The following ARIH2 variants were observed in gnomAD, a reference collection of about 807,000 sequenced individuals.
ARIH2 encodes the protein ariadne RBR E3 ubiquitin protein ligase 2.
Under a neutral mutation model 79.8 loss-of-function variants are expected in ARIH2, and 12 were observed. That is an observed-to-expected ratio of 0.15 (90% CI 0.10 to 0.24). The LOEUF (loss-of-function observed/expected upper bound fraction) is 0.24. ARIH2 is among the 10% of genes least tolerant of loss of function. The pLI is 1.00. For synonymous variants in ARIH2, 224 were observed against 213.9 expected (o/e 1.05, Z -0.41); for missense variants, 301 against 618.3 (o/e 0.49, Z 5.44).
chr3:48,927,501 T>A lies in ARIH2; in HGVS notation c.-58T>A. On this transcript the variant is annotated 5_prime_UTR_variant, in exon 3 of 16. Transcript: ENST00000356401. ...AATGCATTTGAGAAAGCGGTAGTTT[T>A]GGGGGGAGGGGGAAAAAGCAACTGC... The A allele has an allele frequency of 6.3e-7, 1 of 1,580,168 alleles. No homozygotes were observed. The highest frequency in any genetic ancestry group is 8.6e-7 in the Non-Finnish European group (1 of 1,165,982).
intron 8 of ARIH2, 37 bp from the exon 9 acceptor site, chr3:48,973,662 A>C: frequency 6.6e-7 from 1 of 1,507,162 alleles, no homozygotes; most frequent in Middle Eastern, 1.7e-4. Flanking sequence ...ACCCTGACTT[A>C]ATGAATATTT....
chr3:48,934,861 A>C, intron 3 of ARIH2: 1 of 985,374 alleles, frequency 1.0e-6, no homozygotes, highest in South Asian at 4.7e-5. Context: ...TCTTCATCAG[A>C]TTCAAGGCCA....
chr3:48,931,875 G>C (rs2086414693), intron 3 of ARIH2, among the ~76,000 whole-genome samples: 1 of 152,096 alleles, frequency 6.6e-6, no homozygotes, highest in African/African-American at 2.4e-5. Flanking sequence ...CAGGCGTGGT[G>C]GTGGGCACCT....
chr3:48,967,380 T>G, intron 6 of ARIH2, 105 bp downstream of exon 6: 1 of 1,316,976 alleles, frequency 7.6e-7, no homozygotes, highest in East Asian at 2.4e-5. Flanking sequence ...TGAGCCTGAT[T>G]GGGGTTTTTA....
chr3:48,943,080 A>G (rs1275658210), intron 3 of ARIH2: 1 of 152,076 alleles, frequency 6.6e-6, no homozygotes, highest in Non-Finnish European at 1.5e-5. Context: ...CGCCTCGCCA[A>G]CCTCTTCTTT....
intron 3 of ARIH2, among the ~76,000 whole-genome samples, chr3:48,955,017 G>T (rs1576366270): frequency 6.6e-6 from 1 of 152,180 alleles, no homozygotes; most frequent in African/African-American, 2.4e-5. Flanking sequence ...GGCCAACATG[G>T]TGAAATCCCA....
chr3:48,967,858 TA>T lies in ARIH2; in HGVS notation c.538+584del, dbSNP rs2091903665. 2.0e-5 allele frequency among the ~76,000 whole-genome samples: 3 copies of T among 152,328 alleles called. 1 individual carries two copies. In the South Asian group the frequency reaches 6.2e-4, roughly 32 times the overall value. On this transcript the variant is annotated intron_variant, in intron 6 of 15. Transcript: ENST00000356401. ...CCGTTAGTGATACAATTTGGGATAA[TA>T]TTTTAGTTTCATTGCTGTGAAAATA...
At chr3:48,919,974 ATTTTT>A (rs768780567) in intron 1 of ARIH2, among the ~76,000 whole-genome samples, 4 of 135,488 alleles carry the variant, frequency 3.0e-5, no homozygotes, top group East Asian at 2.1e-4. Context: ...TCTGGAGGAA[ATTTTT>A]TTTTTTTTTT....
intron 11 of ARIH2, among the ~76,000 whole-genome samples, chr3:48,975,748 A>G (rs966535862): frequency 1.3e-5 from 2 of 151,590 alleles, no homozygotes; most frequent in Non-Finnish European, 2.9e-5. Context: ...TATTTTTAGT[A>G]GAGATGGGGG....
At chr3:48,964,136 TC>T (rs1360955341) in intron 4 of ARIH2, among the ~76,000 whole-genome samples, 1 of 151,950 alleles carries the variant, frequency 6.6e-6, no homozygotes. Flanking sequence ...GTTCAAGCGA[TC>T]CTCCTGCTTC....
intron 4 of ARIH2, among the ~76,000 whole-genome samples, chr3:48,962,651 CTT>C (rs761380160): frequency 3.5e-4 from 54 of 152,148 alleles, no homozygotes; most frequent in Non-Finnish European, 6.0e-4. Context: ...CTAGATAACT[CTT>C]TGTTGTGGGG....
At chr3:48,980,304 G>A in intron 12 of ARIH2, 49 bp from the exon 13 acceptor site, 1 of 1,599,268 alleles carries the variant, frequency 6.3e-7, no homozygotes, top group Non-Finnish European at 8.5e-7. Flanking sequence ...GTAGACCTCT[G>A]CACCTTCATG....
chr3:48,949,818 C>CT (rs148247018), intron 3 of ARIH2, among the ~76,000 whole-genome samples: 9 of 147,418 alleles, frequency 6.1e-5, no homozygotes, highest in African/African-American at 1.0e-4. Context: ...TTACCTGTAT[C>CT]TTTTTTTTTT....
At chr3:48,980,037 G>T in intron 12 of ARIH2, 1 of 251,712 alleles carries the variant, frequency 4.0e-6, no homozygotes, top group Non-Finnish European at 7.5e-6. Context: ...CTCCCAGGGA[G>T]CCCTTTAGAA....
At chr3:48,967,891 T>C (rs1435571795) in intron 6 of ARIH2, among the ~76,000 whole-genome samples, 1 of 152,228 alleles carries the variant, frequency 6.6e-6, no homozygotes, top group African/African-American at 2.4e-5. Context: ...AATATGCTAA[T>C]TTCTCTCTTC....
chr3:48,961,283 A>G (rs1009760764), intron 3 of ARIH2, among the ~76,000 whole-genome samples: 1 of 152,216 alleles, frequency 6.6e-6, no homozygotes, highest in Non-Finnish European at 1.5e-5. Context: ...CATATATGAC[A>G]TGAAGGAAAC....
intron 3 of ARIH2, among the ~76,000 whole-genome samples, chr3:48,938,691 A>G (rs1343896822): frequency 6.6e-6 from 1 of 152,154 alleles, no homozygotes; most frequent in Non-Finnish European, 1.5e-5. Flanking sequence ...GTAAAGGCAC[A>G]TGCATGTTGT....
chr3:48,919,505 G>A (rs2084454850), intron 1 of ARIH2: 1 of 215,300 alleles, frequency 4.6e-6, no homozygotes, highest in South Asian at 1.8e-4. Flanking sequence ...GGGCAGCCGC[G>A]TTCTTGGATG....
intron 3 of ARIH2, among the ~76,000 whole-genome samples, chr3:48,945,795 A>G (rs1236407480): frequency 2.6e-5 from 4 of 152,194 alleles, no homozygotes; most frequent in Non-Finnish European, 5.9e-5. Flanking sequence ...GATCTGAAAA[A>G]TGATATCACA....
Sources: allele counts gnomAD v4.1 joint callset (sites outside exome capture counted in the v4.1 genomes callset), GRCh38; gene constraint gnomAD v4.1.1; transcripts MANE v1.5; gene names NCBI Gene and HGNC (gene_info 2026-07-23, HGNC 2026-07-21).